The following TLN2 variants were observed in gnomAD, a reference collection of about 807,000 sequenced individuals.
TLN2 encodes the protein talin-2.
A neutral mutation model predicts 294.7 loss-of-function variants in TLN2; 118 were observed. The observed-to-expected ratio is 0.40, with a 90% CI of 0.34 to 0.47. TLN2 has a LOEUF of 0.47. Ranked by LOEUF, TLN2 falls within the 20% of genes least tolerant of loss-of-function variation. The probability of loss-of-function intolerance (pLI) is 0.84; values close to 1 mark genes in which losing one functional copy is unlikely to be tolerated. For missense variants in TLN2, 3,083 were observed against 3,282.2 expected (o/e 0.94, Z 1.48); for synonymous variants, 1,431 against 1,304.5 (o/e 1.10, Z -2.09).
rs568858765 is a variant in TLN2 at position 62,396,935 on chromosome 15, G to C, written c.-238+6250G>C. ...GGCCAGGCTGGTCTGGAACTCTTGG[G>C]CTCAGGCAGTCCACCTTCCTCGGCC... On this transcript the variant is annotated intron_variant, in intron 1 of 58. Coordinates refer to ENST00000636159, the MANE Select transcript of TLN2 (RefSeq NM_015059.3). 1.8e-4 allele frequency among the ~76,000 whole-genome samples: 27 copies of C among 152,214 alleles called. No individual in the cohort carries two copies. The Middle Eastern group carries it at 0.01, about 58-fold the overall frequency.
chr15:62,522,596 G>A (rs1355918628), intron 1 of TLN2, among the ~76,000 whole-genome samples: 1 of 152,174 alleles, frequency 6.6e-6, no homozygotes, highest in African/African-American at 2.4e-5. Context: ...TTCAATAGAG[G>A]TGGGTATTTC....
chr15:62,604,556 G>C (rs956084185), intron 2 of TLN2, among the ~76,000 whole-genome samples: 2 of 150,064 alleles, frequency 1.3e-5, no homozygotes, highest in East Asian at 3.9e-4. Context: ...AGAAAAGGGT[G>C]GGGGGCGATT....
At chr15:62,531,032 C>T (rs903597237) in intron 1 of TLN2, among the ~76,000 whole-genome samples, 11 of 152,016 alleles carry the variant, frequency 7.2e-5, no homozygotes, top group African/African-American at 2.2e-4. Context: ...GTATGTATTG[C>T]CATTCAGATT....
chr15:62,740,844 C>G, intron 32 of TLN2, 75 bp downstream of exon 32: 1 of 1,582,936 alleles, frequency 6.3e-7, no homozygotes, highest in Non-Finnish European at 8.6e-7. Context: ...GCCTGACATC[C>G]TCCCACTTTT....
At chr15:62,500,658 T>C (rs11852963) in intron 1 of TLN2, among the ~76,000 whole-genome samples, 10,257 of 152,196 alleles carry the variant, frequency 0.067, 493 homozygotes, top group Non-Finnish European at 0.099. Context: ...ATCTGAGAAA[T>C]GGCTGAGAAA....
chr15:62,703,030 A>AT (rs1447751847), intron 19 of TLN2, among the ~76,000 whole-genome samples, 166 bp downstream of exon 19: 2 of 151,740 alleles, frequency 1.3e-5, no homozygotes, highest in Admixed American at 1.3e-4. Context: ...TACCAAAAAG[A>AT]TTTTTTTTAA....
At chr15:62,536,810 A>T (rs575695629) in intron 1 of TLN2, among the ~76,000 whole-genome samples, 1 of 152,222 alleles carries the variant, frequency 6.6e-6, no homozygotes, top group African/African-American at 2.4e-5. Context: ...GAATAATTGT[A>T]CATGTTTATA....
intron 1 of TLN2, among the ~76,000 whole-genome samples, chr15:62,456,122 G>T (rs1000113741): frequency 5.3e-5 from 8 of 151,432 alleles, no homozygotes; most frequent in African/African-American, 1.9e-4. Flanking sequence ...CAAGTGACAA[G>T]TAACAGCCCT....
chr15:62,462,156 C>T (rs1215113687), intron 1 of TLN2, among the ~76,000 whole-genome samples: 2 of 152,216 alleles, frequency 1.3e-5, no homozygotes, highest in African/African-American at 4.8e-5. Flanking sequence ...ATTGCTTGAA[C>T]CCGGGAGGCG....
intron 1 of TLN2, among the ~76,000 whole-genome samples, chr15:62,489,639 C>T (rs190868682): frequency 1.3e-5 from 2 of 152,186 alleles, no homozygotes; most frequent in Non-Finnish European, 2.9e-5. Context: ...TTCCCTTCCC[C>T]TTAGATGTGG....
At chr15:62,737,319 A>G (rs1304203619) in intron 29 of TLN2, among the ~76,000 whole-genome samples, 1 of 152,212 alleles carries the variant, frequency 6.6e-6, no homozygotes, top group East Asian at 1.9e-4. Context: ...AGCAGAGGGC[A>G]TGGGGGCCTT....
At chr15:62,717,962 C>T (rs1481646319) in intron 24 of TLN2, among the ~76,000 whole-genome samples, 1 of 152,116 alleles carries the variant, frequency 6.6e-6, no homozygotes, top group Non-Finnish European at 1.5e-5. Context: ...ATGACGAGGC[C>T]ATTTTAGGGC....
intron 52 of TLN2, among the ~76,000 whole-genome samples, chr15:62,815,792 G>T (rs1269077141): frequency 1.3e-5 from 2 of 152,086 alleles, no homozygotes; most frequent in Admixed American, 1.3e-4. Flanking sequence ...GACTAATTTT[G>T]TTAACAGTTT....
intron 1 of TLN2, among the ~76,000 whole-genome samples, chr15:62,453,258 ATTT>A (rs35433926): frequency 6.3e-5 from 9 of 143,436 alleles, no homozygotes; most frequent in Non-Finnish European, 6.1e-5. Context: ...TTGTCAACCT[ATTT>A]TTTTTTTTTT....
chr15:62,579,189 G>A (rs1412892252), intron 1 of TLN2, among the ~76,000 whole-genome samples: 1 of 152,070 alleles, frequency 6.6e-6, no homozygotes. Context: ...GTGCCATAGC[G>A]AATATGCAAA....
rs150935567 is a variant in TLN2 at position 62,806,444 on chromosome 15, G to A, written c.6663+659G>A. ...CCAAATGGAAAATGTTTGCTCTTCC[G>A]CTGGACCCTTGTTTACCCCCATAGG... On this transcript the variant is annotated intron_variant, in intron 51 of 58. Coordinates refer to ENST00000636159, the MANE Select transcript of TLN2 (RefSeq NM_015059.3). Among the ~76,000 whole-genome samples, 317 of 152,270 alleles carry A rather than the reference G, an allele frequency of 2.1e-3. 1 individual carries two copies. Among genetic ancestry groups the A allele is most frequent in the African/African-American group, 6.1e-3 (253 of 41,564 alleles).
Position 62,397,374 on chromosome 15 carries a change from C to T in TLN2, c.-238+6689C>T, listed in dbSNP as rs528592253. Among the ~76,000 whole-genome samples the T allele has an allele frequency of 7.2e-5, 11 of 152,292 alleles. No homozygotes were observed. The South Asian group carries it at 1.0e-3, about 14-fold the overall frequency. ...CCGGGCTCAAGTGATCCTCCTGCCT[C>T]GGCCTCCTGTGAAACTGTGGCTACA... On this transcript the variant is annotated intron_variant, in intron 1 of 58. Coordinates refer to ENST00000636159, the MANE Select transcript of TLN2 (RefSeq NM_015059.3).
rs770578858 is a variant in TLN2 at position 62,835,820 on chromosome 15, T to A, written c.7191+21T>A. ...CTGCTGTGAGTTGCCTTCTCCTTCC[T>A]CCCAGTTTGCTTTTGGGGTCCCCTG... On this transcript the variant is annotated intron_variant, in intron 56 of 58. Transcript: ENST00000636159. 3 of 1,614,170 alleles carry A rather than the reference T, an allele frequency of 1.9e-6. No individual in the cohort carries two copies. In the South Asian group the frequency reaches 3.3e-5, roughly 18 times the overall value.
chr15:62,798,740 G>T (rs1306557518), intron 48 of TLN2, among the ~76,000 whole-genome samples: 1 of 152,178 alleles, frequency 6.6e-6, no homozygotes, highest in Admixed American at 6.5e-5. Flanking sequence ...CCACCAGCTC[G>T]TTCCCTCACG....
Sources: gnomAD v4.1 joint callset for allele counts (sites outside exome capture counted in the v4.1 genomes callset) on GRCh38, gnomAD v4.1.1 for gene constraint, MANE v1.5 for transcripts, NCBI Gene and HGNC (gene_info 2026-07-23, HGNC 2026-07-21) for gene names.